The following HDGFL3 variants were observed in gnomAD, a reference collection of about 807,000 sequenced individuals.
HDGFL3 encodes the protein hepatoma-derived growth factor-related protein 3.
HDGFL3 carries 6 observed loss-of-function variants against 27.6 expected under a neutral mutation model. That is an observed-to-expected ratio of 0.22 (90% CI 0.12 to 0.43). The LOEUF (loss-of-function observed/expected upper bound fraction) is 0.43. Ranked by LOEUF, HDGFL3 falls within the 20% of genes least tolerant of loss-of-function variation. The probability of loss-of-function intolerance (pLI) is 1.00; values close to 1 mark genes in which losing one functional copy is unlikely to be tolerated. For synonymous variants in HDGFL3, 88 were observed against 88.9 expected (o/e 0.99, Z 0.05); for missense variants, 207 against 250.1 (o/e 0.83, Z 1.16).
chr15:83,164,193 T>C (rs1233012022), intron 1 of HDGFL3, 118 bp from the exon 2 acceptor site: 1 of 684,656 alleles, frequency 1.5e-6, no homozygotes, highest in African/African-American at 1.9e-5. Flanking sequence ...GATAGTTTTT[T>C]AGAACTTTAC....
At chr15:83,191,788 T>C (rs1295084682) in intron 1 of HDGFL3, among the ~76,000 whole-genome samples, 1 of 152,084 alleles carries the variant, frequency 6.6e-6, no homozygotes, top group Non-Finnish European at 1.5e-5. Context: ...CCTAGACTGA[T>C]ACCAGACAAA....
intron 5 of HDGFL3, among the ~76,000 whole-genome samples, chr15:83,147,980 G>A (rs781604075): frequency 2.6e-5 from 4 of 152,060 alleles, no homozygotes; most frequent in South Asian, 2.1e-4. Context: ...CAAAACACGC[G>A]CTGTACAGAA....
intron 2 of HDGFL3, among the ~76,000 whole-genome samples, chr15:83,163,388 A>G (rs980784856): frequency 6.6e-6 from 1 of 152,206 alleles, no homozygotes; most frequent in Non-Finnish European, 1.5e-5. Context: ...TGACAGGACA[A>G]GAAACAGAAG....
At chr15:83,127,244 T>A (rs1232268384), downstream of HDGFL3, 1 of 1,103,122 alleles carries the variant, frequency 9.1e-7, no homozygotes, top group East Asian at 2.9e-5. Context: ...GAGTCCCATA[T>A]AGGAAATAGG....
At chr15:83,113,382 C>T (rs2034371715) in exon 4 of HDGFL3, 1 of 156,626 alleles carries the variant, frequency 6.4e-6, no homozygotes, top group Non-Finnish European at 1.4e-5. Context: ...AGGCTTTCAC[C>T]TAATCCTCAC....
chr15:83,164,970 T>C (rs75226661), intron 1 of HDGFL3, among the ~76,000 whole-genome samples: 3 of 152,214 alleles, frequency 2.0e-5, no homozygotes, highest in Non-Finnish European at 2.9e-5. Context: ...GAACTTCTCA[T>C]CTTTCAGACA....
intron 5 of HDGFL3, chr15:83,144,382 C>T (rs1262565440): frequency 4.4e-6 from 2 of 455,310 alleles, no homozygotes; most frequent in Admixed American, 2.4e-5. Context: ...TTAGTGTGGG[C>T]TGGACCTAGT....
At chr15:83,180,518 T>C (rs1357251662) in intron 1 of HDGFL3, among the ~76,000 whole-genome samples, 1 of 151,706 alleles carries the variant, frequency 6.6e-6, no homozygotes, top group Non-Finnish European at 1.5e-5. Context: ...TGCAAATCAG[T>C]CAACAAATTT....
chr15:83,145,206 C>T (rs2036866679), intron 5 of HDGFL3, among the ~76,000 whole-genome samples: 1 of 152,058 alleles, frequency 6.6e-6, no homozygotes, highest in Non-Finnish European at 1.5e-5. Context: ...ATAAGATGGG[C>T]TCCAGAGCAC....
chr15:83,123,000 G>GC, downstream of HDGFL3: 5 of 1,093,024 alleles, frequency 4.6e-6, no homozygotes, highest in Non-Finnish European at 6.6e-6. Flanking sequence ...CAAACAGTGC[G>GC]ACTGTTTTGA....
At position 83,191,589 on chromosome 15, in the gene HDGFL3, C is replaced by T. The variant is rs544857692; in HGVS notation, c.84+15742G>A. 3.3e-4 allele frequency among the ~76,000 whole-genome samples: 51 copies of T among 152,256 alleles called. 1 individual carries two copies. Among genetic ancestry groups the T allele is most frequent in the Middle Eastern group, 3.4e-3 (1 of 294 alleles). Reference sequence around the variant, plus strand: ...AACATATAAAATTGTAAGTTTAAGACTTTAACTAAAGTATGTCTTGGAATC... The same window carrying T: ...AACATATAAAATTGTAAGTTTAAGATTTTAACTAAAGTATGTCTTGGAATC... On this transcript the variant is annotated intron_variant, in intron 1 of 5. Coordinates refer to ENST00000299633, the MANE Select transcript of HDGFL3 (RefSeq NM_016073.4).
rs1317100875 is a variant in HDGFL3, at chr15:83,137,457, T to C, written c.*1813A>G. On this transcript the variant is annotated 3_prime_UTR_variant, in exon 6 of 6. Transcript: ENST00000299633. ...TTGTATATTCCAATTCAAAATGCCA[T>C]CTACATTCCCCTTATGTTTCAGTGT... 1 of 152,194 alleles carries C rather than the reference T, an allele frequency of 6.6e-6. No homozygotes were observed. The highest frequency in any genetic ancestry group is 2.4e-5 in the African/African-American group (1 of 41,456). 9.4% of individuals were successfully genotyped at this position (152,194 alleles called of 1,614,324 possible). A position where few individuals can be genotyped will look rare whatever the true frequency, so the allele number is the denominator to read the frequency against.
downstream of HDGFL3, chr15:83,127,424 G>A (rs1329895310): frequency 3.7e-6 from 6 of 1,613,844 alleles, no homozygotes; most frequent in African/African-American, 2.7e-5. Context: ...AGTGGTTCCT[G>A]GATGTTCCTG....
rs141896507 is a variant in HDGFL3, at chr15:83,117,960, G to A, written c.394-2219C>T. 9.5e-4 allele frequency among the ~76,000 whole-genome samples: 145 copies of A among 152,228 alleles called. No homozygotes were observed. In the East Asian group the frequency reaches 0.016, roughly 17 times the overall value. On this transcript the variant is annotated intron_variant, in intron 3 of 3. Coordinates refer to the HDGFL3 transcript ENST00000568294. ...GAGGGAGAATTGCCGGGGTGACATCGTAGCAATAAAGTTGATAGATTTGCT... is the reference window on the plus strand; with the variant it reads ...GAGGGAGAATTGCCGGGGTGACATCATAGCAATAAAGTTGATAGATTTGCT...
downstream of HDGFL3, chr15:83,124,920 C>T (rs2035595726): frequency 2.9e-6 from 2 of 693,762 alleles, no homozygotes; most frequent in Non-Finnish European, 4.8e-6. Flanking sequence ...GCCTGGAGCC[C>T]TGGACCTGCT....
chr15:83,172,829 A>G (rs536790473), intron 1 of HDGFL3, among the ~76,000 whole-genome samples: 23 of 152,182 alleles, frequency 1.5e-4, no homozygotes, highest in African/African-American at 5.5e-4. Flanking sequence ...GCTCAAAAAA[A>G]AAAAAAAAAG....
At chr15:83,142,201 C>A (rs1245363573) in intron 5 of HDGFL3, among the ~76,000 whole-genome samples, 1 of 152,106 alleles carries the variant, frequency 6.6e-6, no homozygotes, top group Non-Finnish European at 1.5e-5. Context: ...AATCATTCTA[C>A]CATAAAGACA....
Position 83,115,916 on chromosome 15 carries a change from G to A in HDGFL3, c.394-175C>T, listed in dbSNP as rs762291987. ...ACTGGAGCAAGATGGAATCATTGAC[G>A]GGTTCATGACACACTACTTGAGAGA... On this transcript the variant is annotated intron_variant, in intron 3 of 3. Transcript: ENST00000568294. 5 of 1,614,002 alleles carry A rather than the reference G, an allele frequency of 3.1e-6. No individual in the cohort carries two copies. The South Asian group carries it at 3.3e-5, about 11-fold the overall frequency.
intron 4 of HDGFL3, among the ~76,000 whole-genome samples, chr15:83,152,386 C>A (rs1024409444): frequency 1.3e-5 from 2 of 151,644 alleles, no homozygotes; most frequent in African/African-American, 4.8e-5. Context: ...ATGGCAAAAC[C>A]CTGTCTCTAC....
Sources: gnomAD v4.1 joint callset for allele counts (sites outside exome capture counted in the v4.1 genomes callset) on GRCh38, gnomAD v4.1.1 for gene constraint, MANE v1.5 for transcripts, NCBI Gene and HGNC (gene_info 2026-07-23, HGNC 2026-07-21) for gene names.